Variants in NDUFA10 observed in about 807,000 individuals in gnomAD.
NDUFA10 encodes the protein NADH dehydrogenase [ubiquinone] 1 alpha subcomplex subunit 10, mitochondrial.
In NDUFA10, 40 loss-of-function variants were observed where a neutral mutation model predicts 47.8. The observed-to-expected ratio is 0.84, with a 90% CI of 0.65 to 1.09. The LOEUF is 1.09. Among genes scored for constraint, NDUFA10 ranks in the 50% least tolerant of loss-of-function variants. NDUFA10 has a pLI of 0.00. For missense variants in NDUFA10, 413 were observed against 451.1 expected, an observed-to-expected ratio of 0.92 and a Z score of 0.76; for synonymous variants, 183 against 172.2, an observed-to-expected ratio of 1.06 and a Z score of -0.49.
At chr2:240,011,380 A>G (rs532603344) in intron 6 of NDUFA10, among the ~76,000 whole-genome samples, 1 of 152,254 alleles carries the variant, frequency 6.6e-6, no homozygotes, top group Non-Finnish European at 1.5e-5. Flanking sequence ...AAACTTCAGA[A>G]ATATAGCAGA....
chr2:239,922,478 G>A (rs1170807929), intron 4 of NDUFA10, among the ~76,000 whole-genome samples: 1 of 152,210 alleles, frequency 6.6e-6, no homozygotes, highest in African/African-American at 2.4e-5. Context: ...ACAGAGACAG[G>A]TCTTTCTCCC....
chr2:239,904,930 G>A (rs943133670), intron 4 of NDUFA10, among the ~76,000 whole-genome samples: 6 of 152,118 alleles, frequency 3.9e-5, no homozygotes, highest in African/African-American at 1.2e-4. Flanking sequence ...CATTCACACC[G>A]GCGTCTCACT....
intron 1 of NDUFA10, among the ~76,000 whole-genome samples, chr2:240,024,834 T>C (rs1363327206): frequency 1.3e-5 from 2 of 152,162 alleles, no homozygotes; most frequent in Non-Finnish European, 2.9e-5. Flanking sequence ...CTGCTCAACA[T>C]GGCATCACCC....
chr2:239,932,978 A>C (rs1436847284), intron 4 of NDUFA10, among the ~76,000 whole-genome samples: 1 of 152,332 alleles, frequency 6.6e-6, no homozygotes, highest in African/African-American at 2.4e-5. Flanking sequence ...ACACGCTAGA[A>C]GCAGCCCTCA....
intron 4 of NDUFA10, among the ~76,000 whole-genome samples, chr2:239,914,268 CACAG>C (rs1222779290): frequency 6.7e-6 from 1 of 150,308 alleles, no homozygotes; most frequent in African/African-American, 2.5e-5. Context: ...CATATACATA[CACAG>C]ACACACACAA....
At chr2:240,019,976 A>T (rs1288772663) in intron 3 of NDUFA10, among the ~76,000 whole-genome samples, 1 of 152,214 alleles carries the variant, frequency 6.6e-6, no homozygotes, top group East Asian at 1.9e-4. Context: ...AGTAACACTA[A>T]CCAAGATCAG....
downstream of NDUFA10, among the ~76,000 whole-genome samples, chr2:239,953,703 G>C (rs758016298): frequency 1.0e-5 from 1 of 100,114 alleles, no homozygotes; most frequent in Non-Finnish European, 2.0e-5. Flanking sequence ...CACCGCGAAC[G>C]TAAGTAGCGG....
intron 5 of NDUFA10, 105 bp downstream of exon 5, chr2:240,014,634 G>T: frequency 6.5e-7 from 1 of 1,537,096 alleles, no homozygotes; most frequent in Non-Finnish European, 9.0e-7. Context: ...CACCCTCCTC[G>T]TGAGGACTGG....
At chr2:240,014,172 A>G (rs76024851) in intron 5 of NDUFA10, 14,064 of 160,326 alleles carry the variant, frequency 0.088, 725 homozygotes, top group Admixed American at 0.14. Context: ...CAGAGCTACC[A>G]ACGGCCACAG....
chr2:239,966,243 T>C (rs1328130194), intron 9 of NDUFA10, among the ~76,000 whole-genome samples: 1 of 152,162 alleles, frequency 6.6e-6, no homozygotes, highest in Non-Finnish European at 1.5e-5. Context: ...ACAAACCAAG[T>C]TCCTTTCCCT....
At position 240,014,514 on chromosome 2, in the gene NDUFA10, G is replaced by A. The variant is rs150694051; in HGVS notation, c.669+225C>T. 273 of 610,760 alleles carry A rather than the reference G, an allele frequency of 4.5e-4. 2 individuals carry two copies. Among genetic ancestry groups the A allele is most frequent in the African/African-American group, 4.3e-3 (237 of 54,774 alleles). 37.8% of individuals were successfully genotyped at this position (610,760 alleles called of 1,614,324 possible). A position where few individuals can be genotyped will look rare whatever the true frequency, so the allele number is the denominator to read the frequency against. On this transcript the variant is annotated intron_variant, in intron 5 of 9. Coordinates refer to ENST00000252711, the MANE Select transcript of NDUFA10 (RefSeq NM_004544.4). ...GGGACTCGGGGACCACAGTGGGACC[G>A]CAGAGCACTGGTGGGCGGCAGGCCC...
intron 4 of NDUFA10, among the ~76,000 whole-genome samples, chr2:239,924,486 A>G (rs777493023): frequency 1.3e-5 from 2 of 152,128 alleles, no homozygotes; most frequent in Non-Finnish European, 2.9e-5. Flanking sequence ...TGTACTTGAC[A>G]AAAGTCAACC....
intron 4 of NDUFA10, among the ~76,000 whole-genome samples, chr2:239,915,708 G>A (rs1274226476): frequency 6.8e-6 from 1 of 146,310 alleles, no homozygotes; most frequent in Non-Finnish European, 1.5e-5. Context: ...TACATACACA[G>A]ACATACACAA....
chr2:239,909,660 G>A (rs2106470336), intron 4 of NDUFA10, among the ~76,000 whole-genome samples: 1 of 151,998 alleles, frequency 6.6e-6, no homozygotes, highest in East Asian at 2.0e-4. Flanking sequence ...GAAAATCTAG[G>A]CAATATTATT....
intron 4 of NDUFA10, among the ~76,000 whole-genome samples, chr2:239,898,751 A>G (rs1693448985): frequency 6.6e-6 from 1 of 152,214 alleles, no homozygotes; most frequent in Non-Finnish European, 1.5e-5. Flanking sequence ...CTTGGAAACC[A>G]CATTCACGAG....
At chr2:239,982,080 T>G (rs756320451) in intron 9 of NDUFA10, 2 of 1,611,128 alleles carry the variant, frequency 1.2e-6, no homozygotes, top group Non-Finnish European at 1.7e-6. Context: ...TGCTGTTTGC[T>G]CCCCTGCAGC....
chr2:239,959,809 G>T lies in NDUFA10; in HGVS notation c.*1309C>A. The T allele has an allele frequency of 1.2e-6, 1 of 861,172 alleles. No individual in the cohort carries two copies. Among genetic ancestry groups the T allele is most frequent in the Non-Finnish European group, 1.4e-6 (1 of 716,834 alleles). 53.3% of individuals were successfully genotyped at this position (861,172 alleles called of 1,614,324 possible). Reference sequence around the variant, plus strand: ...AACAAGGACAGATGGAAGGAAGAAAGGAAGGGAGGGAAGGAGGAGGAAAGA... The same window carrying T: ...AACAAGGACAGATGGAAGGAAGAAATGAAGGGAGGGAAGGAGGAGGAAAGA... On this transcript the variant is annotated 3_prime_UTR_variant, in exon 10 of 10. Transcript: ENST00000252711.
intron 4 of NDUFA10, among the ~76,000 whole-genome samples, chr2:239,930,288 T>TCCGCCACCC (rs1694144639): frequency 6.6e-6 from 1 of 150,840 alleles, no homozygotes; most frequent in Non-Finnish European, 1.5e-5. Context: ...CCCCTGCTCC[T>TCCGCCACCC]CTGCCACCCC....
At chr2:239,893,659 A>T (rs1011390104) in intron 5 of NDUFA10, among the ~76,000 whole-genome samples, 2 of 152,148 alleles carry the variant, frequency 1.3e-5, no homozygotes, top group African/African-American at 4.8e-5. Context: ...GCACTAATCC[A>T]TTCATGAGGA....
Sources: gnomAD v4.1 joint callset for allele counts (sites outside exome capture counted in the v4.1 genomes callset) on GRCh38, gnomAD v4.1.1 for gene constraint, MANE v1.5 for transcripts, NCBI Gene and HGNC (gene_info 2026-07-23, HGNC 2026-07-21) for gene names.